Variants in FOSL2 observed in about 807,000 individuals in gnomAD.
The protein encoded by FOSL2 is fos-related antigen 2.
A neutral mutation model predicts 27.7 loss-of-function variants in FOSL2; 3 were observed. That is an observed-to-expected ratio of 0.11 (90% CI 0.05 to 0.28). The LOEUF (loss-of-function observed/expected upper bound fraction) is 0.28, where lower values mean the gene tolerates loss of function less well. FOSL2 is among the 10% of genes least tolerant of loss of function. The probability of loss-of-function intolerance (pLI) is 1.00; values close to 1 mark genes in which losing one functional copy is unlikely to be tolerated. For missense variants in FOSL2, 333 were observed against 445.1 expected (o/e 0.75, Z 2.27); for synonymous variants, 179 against 190.1 (o/e 0.94, Z 0.48).
chr2:28,408,733 C>T lies in FOSL2; in HGVS notation c.355-26C>T, dbSNP rs777075677. ...CTGTGAACCATTGTCTCTGTTCTAA[C>T]CATGATCCTTGGCTTTGGCCTCTAG... On this transcript the variant is annotated intron_variant, in intron 2 of 3. Coordinates refer to ENST00000264716, the MANE Select transcript of FOSL2 (RefSeq NM_005253.4). This position sits in a 1 kb window ranked among gnomAD's most constrained non-coding sequence, Gnocchi z 4.1. 3.9e-6 allele frequency: 6 copies of T among 1,539,610 alleles called. No homozygotes were observed. Among genetic ancestry groups the T allele is most frequent in the African/African-American group, 1.4e-5 (1 of 72,880 alleles).
Position 28,413,978 on chromosome 2 carries a change from C to G in FOSL2, c.*1530C>G, listed in dbSNP as rs1020123095. 2 of 396,936 alleles carry G rather than the reference C, an allele frequency of 5.0e-6. No individual in the cohort carries two copies. The highest frequency in any genetic ancestry group is 3.6e-5 in the East Asian group (1 of 28,052). 24.6% of individuals were successfully genotyped at this position (396,936 alleles called of 1,614,324 possible). ...CAGCAGGAGCACAGCTCAGCAGGGT[C>G]CCTGCTGCCCACCCCTCTGAGCCTT... On this transcript the variant is annotated 3_prime_UTR_variant, in exon 4 of 4. Transcript: ENST00000264716.
At position 28,393,176 on chromosome 2, in the gene FOSL2, A is replaced by C; in HGVS notation, c.-545A>C. The C allele has an allele frequency of 3.8e-6, 1 of 264,910 alleles. No homozygotes were observed. The allele number at this position is 264,910 out of a possible 1,614,324, so 16.4% of individuals were successfully genotyped here. ...TAGTCAAGTATCCGAGCCGCCCCGA[A>C]ACTCGGGCGGCGAGTCGGCCACGGG... On this transcript the variant is annotated 5_prime_UTR_variant, in exon 1 of 4. Transcript: ENST00000264716. This position sits in a 1 kb window ranked among gnomAD's most constrained non-coding sequence, Gnocchi z 4.6.
At position 28,408,668 on chromosome 2, in the gene FOSL2, G is replaced by A; in HGVS notation, c.355-91G>A. The A allele has an allele frequency of 2.3e-6, 2 of 865,994 alleles. No individual in the cohort carries two copies. Among genetic ancestry groups the A allele is most frequent in the Non-Finnish European group, 3.4e-6 (2 of 584,610 alleles). The allele number at this position is 865,994 out of a possible 1,614,324, so 53.6% of individuals were successfully genotyped here. Reference sequence around the variant, plus strand: ...CCTTCTCCTTTCTCCATTTCCAGAAGGGCTTCTTGCCTTACTTAAAATACA... The same window carrying A: ...CCTTCTCCTTTCTCCATTTCCAGAAAGGCTTCTTGCCTTACTTAAAATACA... On this transcript the variant is annotated intron_variant, in intron 2 of 3. Transcript: ENST00000264716. The surrounding 1 kb of genome is among the most constrained non-coding windows in gnomAD (Gnocchi z 4.1).
At chr2:28,407,396 G>A (rs1376235484) in intron 2 of FOSL2, among the ~76,000 whole-genome samples, 1 of 152,244 alleles carries the variant, frequency 6.6e-6, no homozygotes, top group African/African-American at 2.4e-5. Context: ...TGACAGGCAT[G>A]GGATTGTCCT....
At chr2:28,407,770 G>A (rs913164733) in intron 2 of FOSL2, among the ~76,000 whole-genome samples, 6 of 152,222 alleles carry the variant, frequency 3.9e-5, no homozygotes, top group South Asian at 2.1e-4. Flanking sequence ...GCCCACAGCC[G>A]TCTCCTTGTG....
intron 1 of FOSL2, among the ~76,000 whole-genome samples, chr2:28,399,752 T>C (rs996461071): frequency 1.3e-5 from 2 of 152,194 alleles, no homozygotes; most frequent in Admixed American, 6.5e-5. Context: ...AACCTGAGCA[T>C]GGGAGATGAG....
chr2:28,404,867 T>C lies in FOSL2; in HGVS notation c.354+509T>C, dbSNP rs1207290782. On this transcript the variant is annotated intron_variant, in intron 2 of 3. Transcript: ENST00000264716. The surrounding 1 kb of genome is among the most constrained non-coding windows in gnomAD (Gnocchi z 4.7). ...CCATTCCTCCTCAGTGTTCTAGGCC[T>C]CCAACTCGGAGCAGGAGCCTATTTC... Among the ~76,000 whole-genome samples, 2 of 152,156 alleles carry C rather than the reference T, an allele frequency of 1.3e-5. No individual in the cohort carries two copies. The highest frequency in any genetic ancestry group is 4.8e-5 in the African/African-American group (2 of 41,436).
Position 28,412,457 on chromosome 2 carries a change from A to G in FOSL2, c.*9A>G, listed in dbSNP as rs559659681. ...CTCTGCTGGCTCTGTAACCCAGTGC[A>G]CCTCCCTCCCCAGCTCCGGAGGGGG... On this transcript the variant is annotated 3_prime_UTR_variant, in exon 4 of 4. Coordinates refer to ENST00000264716, the MANE Select transcript of FOSL2 (RefSeq NM_005253.4). This position sits in a 1 kb window ranked among gnomAD's most constrained non-coding sequence, Gnocchi z 7.1. The G allele has an allele frequency of 3.6e-5, 58 of 1,593,178 alleles. No homozygotes were observed. The South Asian group carries it at 6.2e-4, about 17-fold the overall frequency.
chr2:28,401,011 C>G (rs566634627), intron 1 of FOSL2, among the ~76,000 whole-genome samples: 9 of 152,276 alleles, frequency 5.9e-5, no homozygotes, highest in African/African-American at 2.2e-4. Context: ...AACCATTGTG[C>G]TGAATGCCTC....
At chr2:28,411,750 T>C (rs1664202479) in intron 3 of FOSL2, 180 bp from the exon 4 acceptor site, 1 of 645,244 alleles carries the variant, frequency 1.5e-6, no homozygotes, top group East Asian at 2.7e-5. Flanking sequence ...TTTCCTTCTT[T>C]GGAAATGAAA....
chr2:28,395,210 C>T (rs1286166565), intron 1 of FOSL2, among the ~76,000 whole-genome samples: 1 of 152,180 alleles, frequency 6.6e-6, no homozygotes, highest in Non-Finnish European at 1.5e-5. Context: ...GTTTGCTTCC[C>T]AGCCCCGCTA....
rs1664325217 is a variant in FOSL2, at chr2:28,417,097, G to A, written c.*4649G>A. 1.3e-5 allele frequency: 2 copies of A among 151,964 alleles called. No homozygotes were observed. Among genetic ancestry groups the A allele is most frequent in the African/African-American group, 4.8e-5 (2 of 41,352 alleles). The allele number at this position is 151,964 out of a possible 1,614,324, so 9.4% of individuals were successfully genotyped here. On this transcript the variant is annotated 3_prime_UTR_variant, in exon 4 of 4. Transcript: ENST00000264716. Reference sequence around the variant, plus strand: ...GCTTTGTTTGGAAGCCTTTCTGGTGGTGGTTTTTGTTGTTGTTGTTGTTTT... The same window carrying A: ...GCTTTGTTTGGAAGCCTTTCTGGTGATGGTTTTTGTTGTTGTTGTTGTTTT...
In FOSL2 at chr2:28,401,238, T is replaced by TAA. The variant is rs11377007; in HGVS notation, c.103-2855_103-2854dup. On this transcript the variant is annotated intron_variant, in intron 1 of 3. Coordinates refer to ENST00000264716, the MANE Select transcript of FOSL2 (RefSeq NM_005253.4). Reference sequence around the variant, plus strand: ...GCACAACAGACTCTCCTTGGGGGTTTAAAAAAAAAAAAAAAGCTTATCAGA... The same window carrying TAA: ...GCACAACAGACTCTCCTTGGGGGTTTAAAAAAAAAAAAAAAAAGCTTATCAGA... Among the ~76,000 whole-genome samples the TAA allele has an allele frequency of 7.2e-4, 102 of 141,768 alleles. 1 individual carries two copies. The South Asian group carries it at 8.2e-3, about 11-fold the overall frequency. 93.0% of individuals were successfully genotyped at this position (141,768 alleles called of 152,430 possible).
rs1045690021 is a variant in FOSL2, at chr2:28,413,291, G to C, written c.*843G>C. The C allele has an allele frequency of 1.3e-5, 5 of 394,314 alleles. No homozygotes were observed. Among genetic ancestry groups the C allele is most frequent in the African/African-American group, 4.1e-5 (2 of 48,522 alleles). The allele number at this position is 394,314 out of a possible 1,614,324, so 24.4% of individuals were successfully genotyped here. On this transcript the variant is annotated 3_prime_UTR_variant, in exon 4 of 4. Transcript: ENST00000264716. ...CCAACAAAGCCACACGGGTGTCCTA[G>C]CCAGCTTCCCTTCACCTGGTGTCTT... is the stretch of plus-strand genomic sequence containing the variant.
Position 28,404,087 on chromosome 2 carries a change from A to AT in FOSL2, c.103-12dup, listed in dbSNP as rs769042947. On this transcript the variant is annotated intron_variant, in intron 1 of 3. Coordinates refer to ENST00000264716, the MANE Select transcript of FOSL2 (RefSeq NM_005253.4). This position sits in a 1 kb window ranked among gnomAD's most constrained non-coding sequence, Gnocchi z 4.7. ...GCTTAGTATTTATTGGCTCATTTGT[A>AT]TTTTTTTTCCTCATTTCAGAAATTC... 10 of 1,612,650 alleles carry AT rather than the reference A, an allele frequency of 6.2e-6. No homozygotes were observed. Among genetic ancestry groups the AT allele is most frequent in the South Asian group, 1.1e-5 (1 of 91,012 alleles).
At chr2:28,399,304 TC>T (rs1663923271) in intron 1 of FOSL2, among the ~76,000 whole-genome samples, 1 of 152,172 alleles carries the variant, frequency 6.6e-6, no homozygotes, top group South Asian at 2.1e-4. Context: ...CCCCATCCGG[TC>T]CTGTAGGGGC....
intron 1 of FOSL2, among the ~76,000 whole-genome samples, chr2:28,402,385 A>C (rs114245244): frequency 6.6e-6 from 1 of 152,252 alleles, no homozygotes; most frequent in Non-Finnish European, 1.5e-5. Context: ...CATGCAGACT[A>C]GGGTCAGGCA....
At chr2:28,395,517 G>A (rs1663798011) in intron 1 of FOSL2, 1 of 152,278 alleles carries the variant, frequency 6.6e-6, no homozygotes, top group Non-Finnish European at 1.5e-5. Flanking sequence ...AGCCCAGGAT[G>A]TGAGCGGAGG....
rs770844148 is a variant in FOSL2, at chr2:28,412,195, G to C, written c.728G>C (p.Arg243Pro). 1.9e-6 allele frequency: 3 copies of C among 1,612,144 alleles called. No individual in the cohort carries two copies. Among genetic ancestry groups the C allele is most frequent in the Non-Finnish European group, 2.5e-6 (3 of 1,179,338 alleles). ...SSSAGLDKAQ[R>P]SVIKPISIAG... is the part of the protein sequence containing the mutation. ...TCGGCGGGGCTGGACAAGGCCCAGC[G>C]CTCTGTCATCAAGCCCATCAGCATT... The change falls in exon 4 of 4, where the codon CGC (arginine) becomes CCC (proline). Residue 243 changes from arginine to proline, a missense_variant. By Grantham distance (103) the Arg-to-Pro change is moderately radical (BLOSUM62 -2). Coordinates refer to ENST00000264716, the MANE Select transcript of FOSL2 (RefSeq NM_005253.4). The surrounding 1 kb of genome is among the most constrained non-coding windows in gnomAD (Gnocchi z 7.1).
Sources: gnomAD v4.1 joint callset for allele counts (sites outside exome capture counted in the v4.1 genomes callset) on GRCh38, gnomAD v4.1.1 for gene constraint, Gnocchi (gnomAD v3.1) non-coding constraint, MANE v1.5 for transcripts, NCBI Gene and HGNC (gene_info 2026-07-23, HGNC 2026-07-21) for gene names.